GAMT: variants seen among roughly 807,000 people sequenced by gnomAD.
The protein encoded by GAMT is epididymis secretory protein Li 20.
Under a neutral mutation model 26.9 loss-of-function variants are expected in GAMT, and 26 were observed. That is an observed-to-expected ratio of 0.97 (90% CI 0.71 to 1.34). The LOEUF (loss-of-function observed/expected upper bound fraction) is 1.34. GAMT is among the 40% of genes most tolerant of loss of function. GAMT has a pLI of 0.00. For synonymous variants in GAMT, 169 were observed against 149.6 expected (o/e 1.13, Z -0.95); for missense variants, 412 against 345.0 (o/e 1.19, Z -1.54).
intron 5 of GAMT, chr19:1,398,579 G>A (rs905617426): frequency 1.5e-6 from 1 of 676,102 alleles, no homozygotes; most frequent in Admixed American, 2.9e-5. Flanking sequence ...GGGAGTACAG[G>A]CACACGCCAC....
intron 5 of GAMT, 200 bp from the exon 6 acceptor site, chr19:1,397,699 C>T: frequency 7.1e-7 from 1 of 1,399,094 alleles, no homozygotes; most frequent in Non-Finnish European, 9.4e-7. Context: ...CAGCAGCTTC[C>T]CGGCTGTCCT....
rs1555777381 is a variant in GAMT, at chr19:1,401,452, T to C, written c.25A>G (p.Ile9Val). ...CTGCAGTTCTCGCCGGGCGCGAAGA[T>C]GGGGGTCGCGCTGGGGGCGCTCATG... Reference protein sequence around the residue: MSAPSATPIFAPGENCSPA... With the variant: MSAPSATPVFAPGENCSPA... The change falls in exon 1 of 6, where the codon ATC becomes GTC. Residue 9 changes from isoleucine to valine, a missense_variant. Physicochemically the swap from Ile to Val is conservative, Grantham distance 29. Transcript: ENST00000252288. 9 of 1,397,302 alleles carry C rather than the reference T, an allele frequency of 6.4e-6. No homozygotes were observed. The African/African-American group carries it at 1.3e-4, about 21-fold the overall frequency. The allele number at this position is 1,397,302 out of a possible 1,614,324, so 86.6% of individuals were successfully genotyped here.
chr19:1,398,927 T>C lies in GAMT; in HGVS notation c.559A>G (p.Ile187Val), dbSNP rs2082616573. 1 of 1,613,234 alleles carries C rather than the reference T, an allele frequency of 6.2e-7. No individual in the cohort carries two copies. Among genetic ancestry groups the C allele is most frequent in the African/African-American group, 1.3e-5 (1 of 75,000 alleles). The change falls in exon 5 of 6, where the codon ATC (isoleucine) becomes GTC (valine). Residue 187 changes from isoleucine (I) to valine (V), a missense_variant. Physicochemically the swap from Ile to Val is conservative, Grantham distance 29 (BLOSUM62 3). Coordinates refer to ENST00000252288, the MANE Select transcript of GAMT (RefSeq NM_000156.6). ...LMKSKYSDIT[I>V]MFEETQVPAL... ...TCAGGTGGGCGCACCTCAAACATGATGGTGATGTCTGAGTACTTGGACTTC... is the reference window on the plus strand; with the variant it reads ...TCAGGTGGGCGCACCTCAAACATGACGGTGATGTCTGAGTACTTGGACTTC...
rs200593372 is a variant in GAMT at position 1,399,231 on chromosome 19, G to A, written c.392-36C>T. On this transcript the variant is annotated intron_variant, in intron 3 of 5. Transcript: ENST00000252288. This position sits in a 1 kb window ranked among gnomAD's most constrained non-coding sequence, Gnocchi z 6.2. The stretch of plus-strand genomic sequence containing the variant: ...AACAGAAGCCCACGCGGTCAGGGCC[G>A]GGCTCAGCGCCTCACCCAGCCTCAC... 106 of 1,608,794 alleles carry A rather than the reference G, an allele frequency of 6.6e-5. No homozygotes were observed. In the East Asian group the frequency reaches 1.9e-3, roughly 29 times the overall value.
At chr19:1,397,762 C>G in intron 5 of GAMT, 2 of 1,371,904 alleles carry the variant, frequency 1.5e-6, no homozygotes, top group South Asian at 3.2e-5. Context: ...CCACAGTTCT[C>G]CAGACCTTGC....
At position 1,399,473 on chromosome 19, in the gene GAMT, T is replaced by A. The variant is rs771916945; in HGVS notation, c.391+51A>T. ...GGACCCCCACAAGCAAAGGAGGGGC[T>A]GCATTGGAGCTGGGGAGGCCCACCC... On this transcript the variant is annotated intron_variant, in intron 3 of 5. Coordinates refer to ENST00000252288, the MANE Select transcript of GAMT (RefSeq NM_000156.6). This position sits in a 1 kb window ranked among gnomAD's most constrained non-coding sequence, Gnocchi z 6.2. The A allele has an allele frequency of 3.3e-6, 5 of 1,515,472 alleles. No individual in the cohort carries two copies. In the East Asian group the frequency reaches 1.1e-4, roughly 35 times the overall value. 93.9% of individuals were successfully genotyped at this position (1,515,472 alleles called of 1,614,324 possible).
chr19:1,401,440 C>A lies in GAMT; in HGVS notation c.37G>T (p.Gly13Cys). ...CCCCACGCGGGGCTGCAGTTCTCGCCGGGCGCGAAGATGGGGGTCGCGCTG... is the reference window on the plus strand; with the variant it reads ...CCCCACGCGGGGCTGCAGTTCTCGCAGGGCGCGAAGATGGGGGTCGCGCTG... ...APSATPIFAP[G>C]ENCSPAWGAA... Residue 13 changes from glycine to cysteine, a missense_variant, in exon 1 of 6, where the codon GGC becomes TGC. Physicochemically the swap from Gly to Cys is radical, Grantham distance 159. Coordinates refer to ENST00000252288, the MANE Select transcript of GAMT (RefSeq NM_000156.6). 1.4e-6 allele frequency: 2 copies of A among 1,410,790 alleles called. No homozygotes were observed. The highest frequency in any genetic ancestry group is 1.8e-6 in the Non-Finnish European group (2 of 1,082,022). 87.4% of individuals were successfully genotyped at this position (1,410,790 alleles called of 1,614,324 possible). A position where few individuals can be genotyped will look rare whatever the true frequency, so the allele number is the denominator to read the frequency against.
chr19:1,398,001 T>C, intron 5 of GAMT: 1 of 1,030,608 alleles, frequency 9.7e-7, no homozygotes, highest in Non-Finnish European at 1.2e-6. Context: ...TGGAGGCAGC[T>C]GGAGGGAGGG....
chr19:1,397,253 CTGG>C lies in GAMT; in HGVS notation c.*103_*105del. The C allele has an allele frequency of 7.3e-7, 1 of 1,365,790 alleles. No homozygotes were observed. Among genetic ancestry groups the C allele is most frequent in the Non-Finnish European group, 1.0e-6 (1 of 999,196 alleles). The allele number at this position is 1,365,790 out of a possible 1,614,324, so 84.6% of individuals were successfully genotyped here. A position where few individuals can be genotyped will look rare whatever the true frequency, so the allele number is the denominator to read the frequency against. The stretch of plus-strand genomic sequence containing the variant: ...CCTCACAGAGAAGCCGGGAAAGCTT[CTGG>C]TGACACACAGCTGGGATCAGCCCAG... On this transcript the variant is annotated 3_prime_UTR_variant, in exon 6 of 6. Coordinates refer to ENST00000252288, the MANE Select transcript of GAMT (RefSeq NM_000156.6).
In GAMT at chr19:1,401,511, G is replaced by T; in HGVS notation, c.-35C>A. On this transcript the variant is annotated 5_prime_UTR_variant, in exon 1 of 6. Coordinates refer to ENST00000252288, the MANE Select transcript of GAMT (RefSeq NM_000156.6). ...TGGACGGCGACCCGACCTCGATCGC[G>T]CGCCGCCCGGGCCCGCTCCCTGCAG... The T allele has an allele frequency of 1.6e-6, 2 of 1,284,558 alleles. No individual in the cohort carries two copies. Among genetic ancestry groups the T allele is most frequent in the Non-Finnish European group, 2.0e-6 (2 of 1,014,144 alleles). The allele number at this position is 1,284,558 out of a possible 1,614,324, so 79.6% of individuals were successfully genotyped here. A position where few individuals can be genotyped will look rare whatever the true frequency, so the allele number is the denominator to read the frequency against.
chr19:1,399,452 C>T lies in GAMT; in HGVS notation c.391+72G>A. On this transcript the variant is annotated intron_variant, in intron 3 of 5. Coordinates refer to ENST00000252288, the MANE Select transcript of GAMT (RefSeq NM_000156.6). This position sits in a 1 kb window ranked among gnomAD's most constrained non-coding sequence, Gnocchi z 6.2. ...TCCCCCCAGTGCACATCAGAGGGACCCCCACAAGCAAAGGAGGGGCTGCAT... is the reference window on the plus strand; with the variant it reads ...TCCCCCCAGTGCACATCAGAGGGACTCCCACAAGCAAAGGAGGGGCTGCAT... 2.1e-6 allele frequency: 3 copies of T among 1,398,652 alleles called. No individual in the cohort carries two copies. Among genetic ancestry groups the T allele is most frequent in the South Asian group, 2.5e-5 (2 of 80,606 alleles). 86.6% of individuals were successfully genotyped at this position (1,398,652 alleles called of 1,614,324 possible).
chr19:1,398,760 A>G (rs2082615435), intron 5 of GAMT, 156 bp downstream of exon 5: 3 of 1,549,110 alleles, frequency 1.9e-6, no homozygotes, highest in African/African-American at 1.4e-5. Context: ...GCGCCAGGCA[A>G]AGGACTTTGA....
rs61684562 is a variant in GAMT, at chr19:1,398,611, AT to A, written c.570+304del. 0.16 allele frequency: 87,575 copies of A among 553,634 alleles called. 1,077 individuals carry two copies. The highest frequency in any genetic ancestry group is 0.25 in the African/African-American group (12,626 of 50,556). The allele number at this position is 553,634 out of a possible 1,614,324, so 34.3% of individuals were successfully genotyped here. ...CCACCACGCCCAGCTAGTTTTTTGT[AT>A]TTTTTTTTTTTAGGAAAGATGAGGT... On this transcript the variant is annotated intron_variant, in intron 5 of 5. Coordinates refer to ENST00000252288, the MANE Select transcript of GAMT (RefSeq NM_000156.6).
chr19:1,398,404 C>G, intron 5 of GAMT: 1 of 341,004 alleles, frequency 2.9e-6, no homozygotes, highest in South Asian at 6.0e-5. Context: ...AGCCTGATTT[C>G]CATTTTTTTT....
chr19:1,399,903 T>G lies in GAMT; in HGVS notation c.217A>C (p.Ile73Leu), dbSNP rs771107085. 2 of 1,608,964 alleles carry G rather than the reference T, an allele frequency of 1.2e-6. No homozygotes were observed. Among genetic ancestry groups the G allele is most frequent in the African/African-American group, 2.7e-5 (2 of 74,870 alleles). ...GCCTCCTGCACCTTTGACGCTGCGA[T>G]GGCCATGCCAAAGCCCACCTCCAGG... is the stretch of plus-strand genomic sequence containing the variant. ...RVLEVGFGMA[I>L]AASKVQEAPI... is the part of the protein sequence containing the mutation. Residue 73 changes from isoleucine to leucine, a missense_variant, in exon 2 of 6, where the codon ATC (isoleucine) becomes CTC (leucine). Ile to Leu is a conservative substitution (Grantham distance 5). Transcript: ENST00000252288. This position sits in a 1 kb window ranked among gnomAD's most constrained non-coding sequence, Gnocchi z 6.2.
chr19:1,397,536 A>G lies in GAMT; in HGVS notation c.571-37T>C, dbSNP rs566494860. ...TGGCACCAGGTCACCTCTGAGGGCC[A>G]TGGGGGTCACGTGCACCCTGGCGCC... On this transcript the variant is annotated intron_variant, in intron 5 of 5. Transcript: ENST00000252288. 4 of 1,598,368 alleles carry G rather than the reference A, an allele frequency of 2.5e-6. 1 individual carries two copies. In the South Asian group the frequency reaches 3.3e-5, roughly 13 times the overall value.
chr19:1,397,293 C>T lies in GAMT; in HGVS notation c.*66G>A. On this transcript the variant is annotated 3_prime_UTR_variant, in exon 6 of 6. Transcript: ENST00000252288. ...TGGGATCAGCCCAGGGCTGGTGCGA[C>T]ACCCTGGACTCCCGGCCAGGAAGGC... is the stretch of plus-strand genomic sequence containing the variant. 1.3e-6 allele frequency: 2 copies of T among 1,538,446 alleles called. No individual in the cohort carries two copies. The highest frequency in any genetic ancestry group is 8.8e-7 in the Non-Finnish European group (1 of 1,140,000).
In GAMT at chr19:1,401,504, C is replaced by G; in HGVS notation, c.-28G>C. On this transcript the variant is annotated 5_prime_UTR_variant, in exon 1 of 6. Transcript: ENST00000252288. ...TGCAGGCTGGACGGCGACCCGACCTCGATCGCGCGCCGCCCGGGCCCGCTC... is the reference window on the plus strand; with the variant it reads ...TGCAGGCTGGACGGCGACCCGACCTGGATCGCGCGCCGCCCGGGCCCGCTC... The G allele has an allele frequency of 7.8e-7, 1 of 1,289,502 alleles. No homozygotes were observed. Among genetic ancestry groups the G allele is most frequent in the Non-Finnish European group, 9.8e-7 (1 of 1,017,992 alleles). 79.9% of individuals were successfully genotyped at this position (1,289,502 alleles called of 1,614,324 possible).
chr19:1,398,611 ATT>A (rs61684562), intron 5 of GAMT: 259 of 681,468 alleles, frequency 3.8e-4, no homozygotes, highest in African/African-American at 8.9e-4. Flanking sequence ...AGTTTTTTGT[ATT>A]TTTTTTTTTT....
Sources: allele counts gnomAD v4.1 joint callset, GRCh38; gene constraint gnomAD v4.1.1; non-coding constraint Gnocchi (gnomAD v3.1); transcripts MANE v1.5; gene names NCBI Gene and HGNC (gene_info 2026-07-23, HGNC 2026-07-21).